Variants in FRYL observed in about 807,000 individuals in gnomAD.
FRYL encodes the protein FRY like transcription coactivator.
Under a neutral mutation model 351.2 loss-of-function variants are expected in FRYL, and 150 were observed. The ratio of observed to expected loss-of-function variants is 0.43; its 90% CI spans 0.37 to 0.49. The LOEUF is 0.49. FRYL is among the 20% of genes least tolerant of loss of function. The pLI, the probability that FRYL is intolerant of heterozygous loss-of-function variation, is 0.00. For synonymous variants in FRYL, 1,153 were observed against 1,257.1 expected, an observed-to-expected ratio of 0.92 and a Z score of 1.75; for missense variants, 3,036 against 3,619.3, an observed-to-expected ratio of 0.84 and a Z score of 4.13.
At chr4:48,711,239 C>T (rs867340330) in intron 1 of FRYL, among the ~76,000 whole-genome samples, 111 of 152,192 alleles carry the variant, frequency 7.3e-4, no homozygotes, top group African/African-American at 1.1e-3. Flanking sequence ...GCGCACCGTG[C>T]GCGAGCCGAA....
chr4:48,774,648 C>T (rs974686486), intron 1 of FRYL, among the ~76,000 whole-genome samples: 1 of 151,542 alleles, frequency 6.6e-6, no homozygotes, highest in Admixed American at 6.6e-5. Context: ...TGGGTTCAAG[C>T]GATTCTCTTG....
chr4:48,620,650 T>C lies in FRYL; in HGVS notation c.303A>G (p.Thr101=), dbSNP rs199598550. Residue 101 remains threonine, a synonymous_variant, in exon 6 of 64, where the codon ACA becomes ACG. Transcript: ENST00000358350. ...AATAAAGCACTTACCCCTTAGACTT[T>C]GTGCTAGACCGAGGCCTATATTCAT... The part of the protein sequence containing the change: ...ESYEYRPRSS[T]KSKGDEQQRE... 1 of 1,612,776 alleles carries C rather than the reference T, an allele frequency of 6.2e-7. No homozygotes were observed. The highest frequency in any genetic ancestry group is 8.5e-7 in the Non-Finnish European group (1 of 1,179,062).
At chr4:48,555,726 T>C (rs1680830780) in intron 35 of FRYL, among the ~76,000 whole-genome samples, 1 of 152,144 alleles carries the variant, frequency 6.6e-6, no homozygotes, top group African/African-American at 2.4e-5. Flanking sequence ...AACGTTGTCT[T>C]GTACCATACA....
At chr4:48,516,264 C>T (rs1243513642) in intron 55 of FRYL, among the ~76,000 whole-genome samples, 5 of 152,116 alleles carry the variant, frequency 3.3e-5, no homozygotes, top group Non-Finnish European at 7.4e-5. Context: ...ATAAAGCATA[C>T]TAGTGGTGTG....
chr4:48,518,230 A>C (rs897282986), intron 55 of FRYL, among the ~76,000 whole-genome samples: 9 of 152,092 alleles, frequency 5.9e-5, no homozygotes, highest in African/African-American at 1.9e-4. Context: ...TAACTAATAA[A>C]CCTCCCAACA....
At chr4:48,676,406 TAA>T (rs1227160340) in intron 3 of FRYL, among the ~76,000 whole-genome samples, 6 of 152,154 alleles carry the variant, frequency 3.9e-5, no homozygotes, top group Non-Finnish European at 8.8e-5. Flanking sequence ...CGCACCATCT[TAA>T]GAGCTGTAAC....
intron 3 of FRYL, among the ~76,000 whole-genome samples, chr4:48,661,228 T>A (rs1760647670): frequency 6.6e-6 from 1 of 152,230 alleles, no homozygotes; most frequent in Non-Finnish European, 1.5e-5. Context: ...TTTCAAGACT[T>A]CTACTTCTAG....
intron 1 of FRYL, among the ~76,000 whole-genome samples, chr4:48,765,032 A>G (rs1260721741): frequency 6.6e-6 from 1 of 152,126 alleles, no homozygotes; most frequent in Non-Finnish European, 1.5e-5. Flanking sequence ...TTTAGTAGAG[A>G]CGGGGTTTCA....
At chr4:48,526,191 T>C (rs1726192099) in intron 53 of FRYL, among the ~76,000 whole-genome samples, 1 of 152,240 alleles carries the variant, frequency 6.6e-6, no homozygotes, top group Non-Finnish European at 1.5e-5. Flanking sequence ...CTATGAGTTT[T>C]GATTCTTTAG....
intron 3 of FRYL, among the ~76,000 whole-genome samples, chr4:48,662,479 G>GA (rs1760947343): frequency 6.6e-6 from 1 of 151,664 alleles, no homozygotes; most frequent in African/African-American, 2.4e-5. Context: ...AATATTATTC[G>GA]AAAAAATAAT....
At chr4:48,576,462 G>A (rs1401887618) in intron 23 of FRYL, among the ~76,000 whole-genome samples, 2 of 151,850 alleles carry the variant, frequency 1.3e-5, no homozygotes, top group African/African-American at 2.4e-5. Flanking sequence ...GTGCCATCAC[G>A]CCCAGCAAAT....
intron 3 of FRYL, among the ~76,000 whole-genome samples, chr4:48,660,050 G>GA (rs976153561): frequency 1.3e-5 from 2 of 151,790 alleles, no homozygotes; most frequent in African/African-American, 2.4e-5. Context: ...AAATATACAA[G>GA]ATAAGCCTGG....
At chr4:48,694,746 G>T (rs1324801637) in intron 2 of FRYL, among the ~76,000 whole-genome samples, 1 of 152,122 alleles carries the variant, frequency 6.6e-6, no homozygotes, top group Non-Finnish European at 1.5e-5. Context: ...ATTATTTCTT[G>T]ACTTCATAAT....
At chr4:48,536,439 C>T (rs1350087898) in intron 47 of FRYL, among the ~76,000 whole-genome samples, 3 of 152,246 alleles carry the variant, frequency 2.0e-5, no homozygotes, top group South Asian at 2.1e-4. Flanking sequence ...CTAAGATCCT[C>T]GGCCAATCTT....
intron 3 of FRYL, among the ~76,000 whole-genome samples, chr4:48,649,262 T>C (rs1310038354): frequency 1.3e-5 from 2 of 152,220 alleles, no homozygotes; most frequent in Admixed American, 1.3e-4. Flanking sequence ...AATCTGAGTA[T>C]TAAAAACAAT....
chr4:48,687,492 C>CGGGGGGGGGGGGGAGGGGGGG (rs1765256219), intron 2 of FRYL, among the ~76,000 whole-genome samples: 7 of 46,568 alleles, frequency 1.5e-4, no homozygotes, highest in Admixed American at 2.8e-4. Context: ...CAAATGAGGT[C>CGGGGGGGGGGGGGAGGGGGGG]GGGGGGGGGG....
chr4:48,653,988 G>A (rs1414872009), intron 3 of FRYL: 1 of 1,056,422 alleles, frequency 9.5e-7, no homozygotes, highest in African/African-American at 1.7e-5. Flanking sequence ...AAATGCCGCT[G>A]AATGCAGATG....
chr4:48,545,338 G>C (rs528143126), intron 42 of FRYL, among the ~76,000 whole-genome samples: 11 of 152,120 alleles, frequency 7.2e-5, no homozygotes, highest in Non-Finnish European at 1.3e-4. Flanking sequence ...AAACGTCTTT[G>C]TGTTCTTGGC....
chr4:48,609,164 A>G (rs1747508675), intron 8 of FRYL, 97 bp from the exon 9 acceptor site: 3 of 715,490 alleles, frequency 4.2e-6, no homozygotes, highest in Non-Finnish European at 7.2e-6. Flanking sequence ...AGTATTGTAT[A>G]ATTTTCTCTG....
Sources: gnomAD v4.1 joint callset for allele counts (sites outside exome capture counted in the v4.1 genomes callset) on GRCh38, gnomAD v4.1.1 for gene constraint, MANE v1.5 for transcripts, NCBI Gene and HGNC (gene_info 2026-07-23, HGNC 2026-07-21) for gene names.